CNBD1: variants seen among roughly 807,000 people sequenced by gnomAD.
CNBD1 encodes the protein cyclic nucleotide-binding domain-containing protein 1.
In CNBD1, 71 loss-of-function variants were observed where a neutral mutation model predicts 54.4. The observed-to-expected ratio is 1.30, with a 90% confidence interval of 1.08 to 1.59. CNBD1 has a LOEUF of 1.59. CNBD1 is among the 40% of genes most tolerant of loss of function. The pLI is 0.00. For missense variants in CNBD1, 659 were observed against 518.0 expected (o/e 1.27, Z -2.64); for synonymous variants, 182 against 170.7 (o/e 1.07, Z -0.51).
At chr8:87,326,895 T>C (rs1809681071) in intron 8 of CNBD1, among the ~76,000 whole-genome samples, 1 of 82,826 alleles carries the variant, frequency 1.2e-5, no homozygotes, top group South Asian at 4.2e-4. Context: ...TTTTAGAGTT[T>C]CCAGTTTTTC....
At chr8:87,024,162 C>A (rs1414543202) in intron 4 of CNBD1, among the ~76,000 whole-genome samples, 2 of 148,962 alleles carry the variant, frequency 1.3e-5, no homozygotes, top group South Asian at 2.2e-4. Flanking sequence ...TGGTGTGAAC[C>A]CAGGAGGCAG....
At chr8:87,226,372 G>A (rs922806683) in intron 5 of CNBD1, among the ~76,000 whole-genome samples, 2 of 150,414 alleles carry the variant, frequency 1.3e-5, no homozygotes, top group African/African-American at 2.5e-5. Context: ...TCTCTTGTGA[G>A]CATTTAGTGC....
chr8:87,061,897 GC>G (rs1169776232), intron 4 of CNBD1, among the ~76,000 whole-genome samples: 1 of 152,164 alleles, frequency 6.6e-6, no homozygotes, highest in Non-Finnish European at 1.5e-5. Flanking sequence ...CCTGTGGTAT[GC>G]CCTGTCAGTA....
At chr8:87,147,531 T>A (rs1337269056) in intron 4 of CNBD1, among the ~76,000 whole-genome samples, 2 of 152,150 alleles carry the variant, frequency 1.3e-5, no homozygotes, top group Non-Finnish European at 2.9e-5. Context: ...TATTTCTGAC[T>A]ACATTTGTAA....
At chr8:87,141,391 G>T (rs1812366696) in intron 4 of CNBD1, among the ~76,000 whole-genome samples, 1 of 152,188 alleles carries the variant, frequency 6.6e-6, no homozygotes, top group African/African-American at 2.4e-5. Flanking sequence ...TTCTTACACT[G>T]TCAATATATA....
intron 10 of CNBD1, among the ~76,000 whole-genome samples, chr8:87,364,486 T>A (rs1354465274): frequency 7.4e-6 from 1 of 134,514 alleles, no homozygotes; most frequent in Non-Finnish European, 1.7e-5. Flanking sequence ...TTTTATTTTT[T>A]AAATATTTTA....
intron 3 of CNBD1, among the ~76,000 whole-genome samples, chr8:86,925,404 CA>C (rs1809340981): frequency 6.6e-6 from 1 of 151,446 alleles, no homozygotes; most frequent in African/African-American, 2.4e-5. Flanking sequence ...AATCTTACAG[CA>C]AACATCTTTA....
chr8:87,135,087 T>C (rs1038051405), intron 4 of CNBD1, among the ~76,000 whole-genome samples: 2 of 152,138 alleles, frequency 1.3e-5, no homozygotes, highest in African/African-American at 4.8e-5. Flanking sequence ...AAATTTTCCA[T>C]TTATAATGAG....
At chr8:86,971,231 G>A (rs1188326049) in intron 4 of CNBD1, among the ~76,000 whole-genome samples, 1 of 152,194 alleles carries the variant, frequency 6.6e-6, no homozygotes, top group South Asian at 2.1e-4. Flanking sequence ...GGGGAAGGAA[G>A]GCACATATTA....
intron 8 of CNBD1, among the ~76,000 whole-genome samples, chr8:87,346,282 T>A (rs1277468758): frequency 1.3e-5 from 2 of 152,168 alleles, no homozygotes; most frequent in Non-Finnish European, 2.9e-5. Context: ...CTCCAGGTGA[T>A]CCGCCCACCT....
At chr8:87,357,488 T>G (rs1810443030) in intron 10 of CNBD1, among the ~76,000 whole-genome samples, 3 of 152,174 alleles carry the variant, frequency 2.0e-5, no homozygotes. Flanking sequence ...GCTTTAAAAT[T>G]TTAATACCTG....
chr8:87,352,629 T>G (rs548283699), intron 9 of CNBD1, among the ~76,000 whole-genome samples: 6 of 152,166 alleles, frequency 3.9e-5, no homozygotes, highest in African/African-American at 1.4e-4. Context: ...TGGATACTTG[T>G]AAGAATCTCA....
chr8:86,984,000 G>T (rs999858491), intron 4 of CNBD1, among the ~76,000 whole-genome samples: 3 of 152,150 alleles, frequency 2.0e-5, no homozygotes, highest in Non-Finnish European at 4.4e-5. Flanking sequence ...AGAGACTTTT[G>T]TGTCAGCCTC....
At chr8:86,899,797 C>T (rs1028143635) in intron 2 of CNBD1, among the ~76,000 whole-genome samples, 2 of 152,112 alleles carry the variant, frequency 1.3e-5, no homozygotes, top group Non-Finnish European at 2.9e-5. Flanking sequence ...GAATTTATAT[C>T]TATCTCTTCC....
intron 5 of CNBD1, among the ~76,000 whole-genome samples, chr8:87,208,049 T>C (rs1408849475): frequency 6.6e-6 from 1 of 152,180 alleles, no homozygotes; most frequent in Non-Finnish European, 1.5e-5. Context: ...TTTATTCATG[T>C]ATGTGTTTCC....
chr8:87,274,906 G>A (rs1256334071), intron 6 of CNBD1, among the ~76,000 whole-genome samples: 1 of 134,306 alleles, frequency 7.4e-6, no homozygotes, highest in African/African-American at 3.0e-5. Flanking sequence ...TATGGTTTTA[G>A]GTGTAACGTT....
intron 8 of CNBD1, among the ~76,000 whole-genome samples, chr8:87,317,366 A>T (rs1809411271): frequency 6.6e-6 from 1 of 151,496 alleles, no homozygotes. Context: ...ACACATTTTA[A>T]TATATTATCT....
chr8:86,975,995 T>A (rs565188183), intron 4 of CNBD1, among the ~76,000 whole-genome samples: 1 of 152,044 alleles, frequency 6.6e-6, no homozygotes, highest in East Asian at 1.9e-4. Context: ...TGCTGAATAT[T>A]TTTTTCATAC....
chr8:87,264,142 C>T (rs1347007211), intron 6 of CNBD1, among the ~76,000 whole-genome samples: 3 of 151,830 alleles, frequency 2.0e-5, no homozygotes, highest in Admixed American at 6.6e-5. Flanking sequence ...TGCTATCCCT[C>T]CCCTCTCCCC....
Sources: gnomAD v4.1 joint callset for allele counts (sites outside exome capture counted in the v4.1 genomes callset) on GRCh38, gnomAD v4.1.1 for gene constraint, MANE v1.5 for transcripts, NCBI Gene and HGNC (gene_info 2026-07-23, HGNC 2026-07-21) for gene names.